Variants in DIXDC1 observed in about 807,000 individuals in gnomAD.
DIXDC1 encodes the protein dixin.
Under a neutral mutation model 103.1 loss-of-function variants are expected in DIXDC1, and 64 were observed. The ratio of observed to expected loss-of-function variants is 0.62; its 90% CI spans 0.51 to 0.76. DIXDC1 has a LOEUF of 0.76. DIXDC1 is among the 30% of genes least tolerant of loss of function. The pLI is 0.00. For missense variants in DIXDC1, 759 were observed against 834.2 expected, an observed-to-expected ratio of 0.91 and a Z score of 1.11; for synonymous variants, 266 against 298.5, an observed-to-expected ratio of 0.89 and a Z score of 1.12.
intron 17 of DIXDC1, among the ~76,000 whole-genome samples, chr11:112,011,277 T>A (rs1330107875): frequency 6.6e-6 from 1 of 152,100 alleles, no homozygotes; most frequent in Non-Finnish European, 1.5e-5. Context: ...CCAGTTAGAG[T>A]GGCGATCATT....
At chr11:111,960,159 C>T (rs1257760502) in intron 1 of DIXDC1, among the ~76,000 whole-genome samples, 2 of 151,798 alleles carry the variant, frequency 1.3e-5, no homozygotes, top group African/African-American at 4.8e-5. Flanking sequence ...ATCCGCCCAC[C>T]TTGGCCTCCC....
At chr11:111,967,580 G>A (rs188273785) in intron 2 of DIXDC1, among the ~76,000 whole-genome samples, 6 of 152,178 alleles carry the variant, frequency 3.9e-5, no homozygotes, top group South Asian at 2.1e-4. Flanking sequence ...CTATTTCCAC[G>A]CAGAGTCCAT....
intron 1 of DIXDC1, among the ~76,000 whole-genome samples, chr11:111,954,998 G>A (rs1966878996): frequency 6.6e-6 from 1 of 151,942 alleles, no homozygotes; most frequent in Admixed American, 6.6e-5. Flanking sequence ...ATGTATGTAT[G>A]CATATATAAA....
rs1196140470 is a variant in DIXDC1, at chr11:111,958,081, A to G, written c.61-6468A>G. ...GGGCATCCCTGTGCTCTTGGGGGCC[A>G]GGAGCAGGCAGGAGCCCCACCCTCC... On this transcript the variant is annotated intron_variant, in intron 1 of 19. Transcript: ENST00000440460. This position sits in a 1 kb window ranked among gnomAD's most constrained non-coding sequence, Gnocchi z 4.2. 6.6e-6 allele frequency among the ~76,000 whole-genome samples: 1 copy of G among 152,104 alleles called. No individual in the cohort carries two copies. Among genetic ancestry groups the G allele is most frequent in the Non-Finnish European group, 1.5e-5 (1 of 67,980 alleles).
chr11:111,955,001 T>C (rs139143402), intron 1 of DIXDC1, among the ~76,000 whole-genome samples: 12 of 152,246 alleles, frequency 7.9e-5, no homozygotes, highest in Admixed American at 3.3e-4. Context: ...TATGTATGCA[T>C]ATATAAATTT....
chr11:111,942,573 T>C (rs1473560273), intron 1 of DIXDC1, among the ~76,000 whole-genome samples: 1 of 152,182 alleles, frequency 6.6e-6, no homozygotes, highest in Non-Finnish European at 1.5e-5. Flanking sequence ...CCCTAGACCA[T>C]AGAGTGATAC....
chr11:111,928,850 T>C (rs1965922947), intron 1 of DIXDC1, among the ~76,000 whole-genome samples: 2 of 152,176 alleles, frequency 1.3e-5, no homozygotes, highest in Non-Finnish European at 1.5e-5. Flanking sequence ...ATGTAGATGA[T>C]AGTACTTCGT....
intron 1 of DIXDC1, among the ~76,000 whole-genome samples, chr11:111,962,343 G>C (rs189301199): frequency 6.6e-6 from 1 of 152,066 alleles, no homozygotes; most frequent in Non-Finnish European, 1.5e-5. Flanking sequence ...TTAGCCCGGC[G>C]TGGTGGCAGG....
At position 111,968,570 on chromosome 11, in the gene DIXDC1, A is replaced by C; in HGVS notation, c.248A>C (p.Asn83Thr). ...LSPGNQQEMK[N>T]NVEKVLQFVA... is the part of the protein sequence containing the mutation. ...CCCGGTAACCAACAGGAGATGAAGA[A>C]TAATGTGGAGAAAGTGCTACAGTTT... The change falls in exon 3 of 20, where the codon AAT becomes ACT. Residue 83 changes from asparagine (N) to threonine (T), a missense_variant. Physicochemically the swap from Asn to Thr is moderately conservative, Grantham distance 65. Around this residue, in one of 3 missense-constraint regions of DIXDC1, gnomAD observed 5 missense variants for 21.2 expected, o/e 0.24. Coordinates refer to ENST00000440460, the MANE Select transcript of DIXDC1 (RefSeq NM_001037954.4). 6.2e-7 allele frequency: 1 copy of C among 1,613,112 alleles called. No individual in the cohort carries two copies. Among genetic ancestry groups the C allele is most frequent in the Non-Finnish European group, 8.5e-7 (1 of 1,179,508 alleles).
At chr11:111,992,184 C>T (rs920240860) in intron 10 of DIXDC1, among the ~76,000 whole-genome samples, 6 of 152,112 alleles carry the variant, frequency 3.9e-5, no homozygotes, top group Non-Finnish European at 5.9e-5. Flanking sequence ...AAAAATCAGG[C>T]TTCAGTAAGT....
chr11:111,989,798 T>C (rs1191254039), intron 10 of DIXDC1, among the ~76,000 whole-genome samples: 2 of 151,762 alleles, frequency 1.3e-5, no homozygotes, highest in Non-Finnish European at 2.9e-5. Context: ...GCATCTTTTT[T>C]TTTTTTTTGA....
At chr11:111,938,430 C>T (rs1490057295) in intron 1 of DIXDC1, among the ~76,000 whole-genome samples, 2 of 152,144 alleles carry the variant, frequency 1.3e-5, no homozygotes, top group African/African-American at 4.8e-5. Flanking sequence ...TTCTTCATTT[C>T]TCTCTCGCTC....
chr11:112,002,704 C>T (rs1341771562), intron 17 of DIXDC1, among the ~76,000 whole-genome samples: 1 of 152,126 alleles, frequency 6.6e-6, no homozygotes. Flanking sequence ...GGAAGGACAG[C>T]TTTAGCCTGG....
At chr11:111,992,542 G>C in intron 11 of DIXDC1, 23 bp downstream of exon 11, 1 of 1,544,608 alleles carries the variant, frequency 6.5e-7, no homozygotes, top group Non-Finnish European at 8.8e-7. Context: ...AATGAGCCTT[G>C]ACCTCAGTGA....
intron 1 of DIXDC1, among the ~76,000 whole-genome samples, chr11:111,941,469 A>G (rs1966412513): frequency 1.3e-5 from 2 of 152,132 alleles, no homozygotes; most frequent in South Asian, 2.1e-4. Flanking sequence ...CCAAGTAGAA[A>G]AGTAGAAATT....
At chr11:111,972,157 T>G (rs1859957992) in intron 3 of DIXDC1, among the ~76,000 whole-genome samples, 1 of 152,004 alleles carries the variant, frequency 6.6e-6, no homozygotes, top group Non-Finnish European at 1.5e-5. Context: ...ACACAAATAA[T>G]CCTTTTCCAA....
At chr11:112,001,977 G>A (rs1487774313) in intron 17 of DIXDC1, among the ~76,000 whole-genome samples, 3 of 151,942 alleles carry the variant, frequency 2.0e-5, no homozygotes, top group Non-Finnish European at 2.9e-5. Flanking sequence ...GACTGGTCTC[G>A]AACTCCTGAC....
chr11:111,988,980 T>TATATTTGGTTTGCA (rs782474354), intron 9 of DIXDC1, 25 bp from the exon 10 acceptor site: 1 of 1,604,826 alleles, frequency 6.2e-7, no homozygotes, highest in Non-Finnish European at 8.5e-7. Context: ...TGTCACCATC[T>TATATTTGGTTTGCA]GATCTAACTA....
At chr11:111,937,127 C>CAG, upstream of DIXDC1, 2 of 518,448 alleles carry the variant, frequency 3.9e-6, 1 homozygote, top group Non-Finnish European at 4.4e-6. Context: ...TGCTGCGGCC[C>CAG]GGGCGGGGGG....
Sources: allele counts gnomAD v4.1 joint callset (sites outside exome capture counted in the v4.1 genomes callset), GRCh38; gene constraint gnomAD v4.1.1; regional missense constraint gnomAD v4.1.1; non-coding constraint Gnocchi (gnomAD v3.1); transcripts MANE v1.5; gene names NCBI Gene and HGNC (gene_info 2026-07-23, HGNC 2026-07-21).